Variants in TMEM143 observed in about 807,000 individuals in gnomAD.
The protein encoded by TMEM143 is transmembrane protein 143.
A neutral mutation model predicts 40.3 loss-of-function variants in TMEM143; 45 were observed. The observed-to-expected ratio is 1.12, with a 90% CI of 0.88 to 1.43. The LOEUF (loss-of-function observed/expected upper bound fraction) is 1.43, where lower values mean the gene tolerates loss of function less well. Among genes scored for constraint, TMEM143 ranks in the 40% most tolerant of loss-of-function variants. The pLI is 0.00. For synonymous variants in TMEM143, 299 were observed against 282.7 expected (o/e 1.06, Z -0.58); for missense variants, 620 against 613.4 (o/e 1.01, Z -0.11).
Position 48,343,529 on chromosome 19 carries a change from C to A in TMEM143, c.565-78G>T, listed in dbSNP as rs1278518620. On this transcript the variant is annotated intron_variant, in intron 4 of 7. Transcript: ENST00000293261. Reference sequence around the variant, plus strand: ...AGGGCAGGATACCAGAATCAGATGTCCTGCCCCTAAATAATTCCCCCGTTT... The same window carrying A: ...AGGGCAGGATACCAGAATCAGATGTACTGCCCCTAAATAATTCCCCCGTTT... The A allele has an allele frequency of 6.7e-6, 10 of 1,487,214 alleles. No homozygotes were observed. In the Admixed American group the frequency reaches 1.8e-4, roughly 26 times the overall value. The allele number at this position is 1,487,214 out of a possible 1,614,324, so 92.1% of individuals were successfully genotyped here. A position where few individuals can be genotyped will look rare whatever the true frequency, so the allele number is the denominator to read the frequency against.
At chr19:48,338,851 G>A (rs543262366) in intron 6 of TMEM143, among the ~76,000 whole-genome samples, 1 of 149,890 alleles carries the variant, frequency 6.7e-6, no homozygotes, top group East Asian at 1.9e-4. Flanking sequence ...TGGGACATCC[G>A]GGAAGGCTTC....
At chr19:48,359,939 C>T (rs897402519) in intron 3 of TMEM143, 133 bp downstream of exon 3, 101 of 811,928 alleles carry the variant, frequency 1.2e-4, no homozygotes, top group Non-Finnish European at 1.8e-4. Context: ...GGCGTCACTT[C>T]ACCTGTCATG....
At chr19:48,345,801 T>C (rs1969614466) in intron 3 of TMEM143, among the ~76,000 whole-genome samples, 1 of 149,266 alleles carries the variant, frequency 6.7e-6, no homozygotes, top group African/African-American at 2.5e-5. Context: ...TTTTGTTTTT[T>C]TGAGACGGAG....
At chr19:48,361,406 C>T (rs534025218) in intron 2 of TMEM143, among the ~76,000 whole-genome samples, 4 of 151,846 alleles carry the variant, frequency 2.6e-5, no homozygotes, top group Non-Finnish European at 2.9e-5. Flanking sequence ...TTAATAGAGA[C>T]GGGGTTTCAC....
intron 3 of TMEM143, among the ~76,000 whole-genome samples, chr19:48,348,081 A>G (rs916996687): frequency 6.6e-6 from 1 of 151,718 alleles, no homozygotes; most frequent in Non-Finnish European, 1.5e-5. Context: ...CCTCCTCTGA[A>G]GTAAGCCCTA....
At chr19:48,344,270 C>G (rs114533532) in intron 4 of TMEM143, among the ~76,000 whole-genome samples, 6,426 of 150,142 alleles carry the variant, frequency 0.043, 401 homozygotes, top group African/African-American at 0.14. Flanking sequence ...ATGTGTCTCT[C>G]TGTGTGTGTG....
At chr19:48,345,389 G>A in intron 3 of TMEM143, 35 bp from the exon 4 acceptor site, 1 of 1,485,716 alleles carries the variant, frequency 6.7e-7, no homozygotes, top group Non-Finnish European at 9.0e-7. Flanking sequence ...AGATGGGATA[G>A]GTCTCTGCAT....
At chr19:48,360,218 C>G in intron 2 of TMEM143, 42 bp from the exon 3 acceptor site, 1 of 1,585,230 alleles carries the variant, frequency 6.3e-7, no homozygotes, top group Non-Finnish European at 8.6e-7. Flanking sequence ...GGCCTTTTCC[C>G]CTTCCCCGAG....
intron 5 of TMEM143, 131 bp from the exon 6 acceptor site, chr19:48,342,940 G>C: frequency 8.7e-7 from 1 of 1,150,998 alleles, no homozygotes; most frequent in Non-Finnish European, 1.2e-6. Context: ...TAATCATGGG[G>C]AAGAAACCAG....
intron 1 of TMEM143, 114 bp from the exon 2 acceptor site, chr19:48,363,645 C>T (rs772480174): frequency 1.4e-6 from 2 of 1,462,074 alleles, no homozygotes; most frequent in Non-Finnish European, 1.8e-6. Flanking sequence ...GCGCAGAGCC[C>T]ATCCGCTCGC....
At chr19:48,353,965 T>TC (rs904060597) in intron 3 of TMEM143, among the ~76,000 whole-genome samples, 1 of 151,772 alleles carries the variant, frequency 6.6e-6, no homozygotes, top group African/African-American at 2.4e-5. Context: ...ACATTTCACT[T>TC]CTTTTTTTTT....
At chr19:48,359,971 C>T in intron 3 of TMEM143, 101 bp downstream of exon 3, 1 of 1,214,550 alleles carries the variant, frequency 8.2e-7, no homozygotes, top group Non-Finnish European at 1.2e-6. Context: ...ATCCCCAGCA[C>T]TTAAAATAAG....
At chr19:48,339,174 G>A (rs1969434809) in intron 6 of TMEM143, among the ~76,000 whole-genome samples, 1 of 152,164 alleles carries the variant, frequency 6.6e-6, no homozygotes, top group African/African-American at 2.4e-5. Context: ...GGCCTGAGCA[G>A]GGGGCACAGA....
chr19:48,360,344 C>A (rs372164210), intron 2 of TMEM143, 168 bp from the exon 3 acceptor site: 4 of 614,122 alleles, frequency 6.5e-6, no homozygotes, highest in Non-Finnish European at 2.9e-6. Flanking sequence ...TTTGGGAGGC[C>A]GAGGCAGTGG....
At chr19:48,359,931 C>T (rs911367337) in intron 3 of TMEM143, 141 bp downstream of exon 3, 25 of 725,364 alleles carry the variant, frequency 3.4e-5, no homozygotes, top group Non-Finnish European at 5.3e-5. Flanking sequence ...TCCATGAGGG[C>T]GTCACTTCAC....
intron 4 of TMEM143, among the ~76,000 whole-genome samples, chr19:48,343,684 A>G (rs955625276): frequency 6.6e-6 from 1 of 152,196 alleles, no homozygotes; most frequent in Non-Finnish European, 1.5e-5. Flanking sequence ...ATTTCCTAGA[A>G]TCTAAGGTGC....
intron 3 of TMEM143, among the ~76,000 whole-genome samples, chr19:48,356,578 C>T (rs910594194): frequency 1.5e-4 from 22 of 149,404 alleles, no homozygotes; most frequent in African/African-American, 5.4e-4. Flanking sequence ...TATAGACATG[C>T]GCTACCAGGC....
intron 4 of TMEM143, 116 bp from the exon 5 acceptor site, chr19:48,343,567 CA>C: frequency 1.5e-6 from 2 of 1,355,866 alleles, no homozygotes; most frequent in Non-Finnish European, 2.0e-6. Flanking sequence ...CACTTATCCC[CA>C]TTCACCATCT....
At chr19:48,358,612 C>T (rs1969965234) in intron 3 of TMEM143, among the ~76,000 whole-genome samples, 2 of 152,062 alleles carry the variant, frequency 1.3e-5, no homozygotes, top group African/African-American at 2.4e-5. Flanking sequence ...ACCCCCACAG[C>T]CAGCACATCA....
Sources: allele counts gnomAD v4.1 joint callset (sites outside exome capture counted in the v4.1 genomes callset), GRCh38; gene constraint gnomAD v4.1.1; transcripts MANE v1.5; gene names NCBI Gene and HGNC (gene_info 2026-07-23, HGNC 2026-07-21).